The following MAML3 variants were observed in gnomAD, a reference collection of about 807,000 sequenced individuals.
The protein encoded by MAML3 is mastermind-like protein 3.
MAML3 carries 27 observed loss-of-function variants against 101.9 expected under a neutral mutation model. The observed-to-expected ratio is 0.27, with a 90% confidence interval of 0.20 to 0.37. The LOEUF (loss-of-function observed/expected upper bound fraction) is 0.37, where lower values mean the gene tolerates loss of function less well. MAML3 is among the 10% of genes least tolerant of loss of function. The pLI is 1.00. For synonymous variants in MAML3, 501 were observed against 555.9 expected (o/e 0.90, Z 1.39); for missense variants, 1,316 against 1,444.9 (o/e 0.91, Z 1.45).
At chr4:139,937,099 CCTGT>C (rs1314887763) in intron 1 of MAML3, among the ~76,000 whole-genome samples, 1 of 152,148 alleles carries the variant, frequency 6.6e-6, no homozygotes, top group African/African-American at 2.4e-5. Flanking sequence ...TATTTGCTAA[CCTGT>C]CTTTCTTGCT....
At chr4:139,887,820 T>C (rs1477651034) in intron 2 of MAML3, among the ~76,000 whole-genome samples, 1 of 152,238 alleles carries the variant, frequency 6.6e-6, no homozygotes, top group Non-Finnish European at 1.5e-5. Context: ...CCTGGGCTAC[T>C]ACAAACATTC....
At chr4:139,902,214 C>CCT (rs1732735655) in intron 1 of MAML3, among the ~76,000 whole-genome samples, 2 of 151,972 alleles carry the variant, frequency 1.3e-5, no homozygotes, top group African/African-American at 4.8e-5. Flanking sequence ...CTCTCCTTCT[C>CCT]TCCTTCCCCT....
intron 1 of MAML3, among the ~76,000 whole-genome samples, chr4:139,948,147 TA>T (rs1733766019): frequency 8.0e-6 from 1 of 124,482 alleles, no homozygotes; most frequent in African/African-American, 3.5e-5. Context: ...TAATAAAAAC[TA>T]CCACTCTACA....
intron 1 of MAML3, among the ~76,000 whole-genome samples, chr4:139,946,172 A>G (rs769666): frequency 0.037 from 5,648 of 152,322 alleles, 337 homozygotes; most frequent in African/African-American, 0.13. Flanking sequence ...AAGATATGTA[A>G]CATTGGAAAA....
chr4:139,890,732 T>C lies in MAML3; in HGVS notation c.704A>G (p.His235Arg), dbSNP rs1560827001. The change falls in exon 2 of 5, where the codon CAC becomes CGC. Residue 235 changes from histidine (H) to arginine (R), a missense_variant. Coordinates refer to ENST00000509479, the MANE Select transcript of MAML3 (RefSeq NM_018717.5). This position sits in a 1 kb window ranked among gnomAD's most constrained non-coding sequence, Gnocchi z 4.1. ...PSLPLQNSGT[H>R]TPGLLEDLSK... ...TAGATCTTCTAGAAGCCCAGGAGTG[T>C]GAGTTCCACTGTTCTGCAAGGGCAA... The C allele has an allele frequency of 6.2e-7, 1 of 1,614,036 alleles. No homozygotes were observed.
chr4:139,792,528 C>T (rs1048397072), intron 2 of MAML3, among the ~76,000 whole-genome samples: 2 of 152,116 alleles, frequency 1.3e-5, no homozygotes, highest in South Asian at 4.1e-4. Context: ...CTGTTCTGGT[C>T]TGTATTTTCA....
intron 2 of MAML3, among the ~76,000 whole-genome samples, chr4:139,877,966 G>A (rs942297109): frequency 6.6e-6 from 1 of 151,978 alleles, no homozygotes; most frequent in Non-Finnish European, 1.5e-5. Flanking sequence ...ACCAAGTTCT[G>A]TTACTTCTTC....
intron 1 of MAML3, among the ~76,000 whole-genome samples, chr4:140,076,285 T>C (rs1727764835): frequency 6.6e-6 from 1 of 152,202 alleles, no homozygotes; most frequent in Non-Finnish European, 1.5e-5. Context: ...GGACTAAGGA[T>C]GCTCCCTTAG....
intron 2 of MAML3, among the ~76,000 whole-genome samples, chr4:139,810,187 T>TTTTA (rs1730772732): frequency 2.3e-5 from 3 of 132,960 alleles, no homozygotes; most frequent in African/African-American, 9.6e-5. Context: ...CAAAATTGAT[T>TTTTA]TTTTTTTTTT....
At chr4:139,754,258 T>TAAATATTCTTTAA (rs1729597551) in intron 2 of MAML3, among the ~76,000 whole-genome samples, 1 of 152,260 alleles carries the variant, frequency 6.6e-6, no homozygotes, top group Non-Finnish European at 1.5e-5. Context: ...ATCACATGTT[T>TAAATATTCTTTAA]ATGTTCTTAT....
chr4:139,911,575 G>T (rs1732919995), intron 1 of MAML3, among the ~76,000 whole-genome samples: 1 of 152,164 alleles, frequency 6.6e-6, no homozygotes, highest in Admixed American at 6.5e-5. Context: ...TGGTCTAAAT[G>T]GTTGTCTCCT....
chr4:140,007,170 T>C (rs1168127962), intron 1 of MAML3, among the ~76,000 whole-genome samples: 1 of 152,142 alleles, frequency 6.6e-6, no homozygotes, highest in Non-Finnish European at 1.5e-5. Flanking sequence ...TTCATAAATT[T>C]CCACTGAAGA....
chr4:139,729,174 AAAAAAG>A (rs1211816737), intron 3 of MAML3, among the ~76,000 whole-genome samples: 1 of 151,538 alleles, frequency 6.6e-6, no homozygotes, highest in African/African-American at 2.4e-5. Flanking sequence ...AAAAAAAAAA[AAAAAAG>A]GGAACATAAG....
At chr4:140,043,455 T>C (rs1727121009) in intron 1 of MAML3, among the ~76,000 whole-genome samples, 1 of 152,212 alleles carries the variant, frequency 6.6e-6, no homozygotes, top group Non-Finnish European at 1.5e-5. Context: ...AGCAGTCATC[T>C]GGGGGATTCA....
rs115013532 is a variant in MAML3 at position 140,000,599 on chromosome 4, C to G, written c.469-109632G>C. Among the ~76,000 whole-genome samples, 1,002 of 152,286 alleles carry G rather than the reference C, an allele frequency of 6.6e-3. 13 individuals are homozygous for G. The highest frequency in any genetic ancestry group is 0.023 in the African/African-American group (955 of 41,546). On this transcript the variant is annotated intron_variant, in intron 1 of 4. Coordinates refer to ENST00000509479, the MANE Select transcript of MAML3 (RefSeq NM_018717.5). The stretch of plus-strand genomic sequence containing the variant: ...CAAACTATAGGGCCAGTTACCCAAA[C>G]CTTTATCCCAGCCCACTTCTTGAGA...
At chr4:139,845,963 T>G (rs112997552) in intron 2 of MAML3, among the ~76,000 whole-genome samples, 10 of 152,322 alleles carry the variant, frequency 6.6e-5, no homozygotes, top group African/African-American at 2.4e-4. Context: ...AATATATTTT[T>G]AGGAGTGGGA....
At chr4:139,749,879 A>G (rs1021874856) in intron 2 of MAML3, among the ~76,000 whole-genome samples, 1 of 106,046 alleles carries the variant, frequency 9.4e-6, no homozygotes, top group African/African-American at 4.4e-5. Flanking sequence ...GTGGAGATGA[A>G]TAAGAACCCC....
At chr4:139,951,734 CT>C (rs71584344) in intron 1 of MAML3, among the ~76,000 whole-genome samples, 489 of 142,560 alleles carry the variant, frequency 3.4e-3, no homozygotes, top group Middle Eastern at 3.6e-3. Context: ...TGTTTTTGTT[CT>C]TTTTTTTTTT....
intron 2 of MAML3, among the ~76,000 whole-genome samples, chr4:139,860,497 C>G (rs1310845658): frequency 6.6e-6 from 1 of 152,208 alleles, no homozygotes; most frequent in African/African-American, 2.4e-5. Flanking sequence ...CCCAGTCAAG[C>G]CAACCTTTGT....
Sources: gnomAD v4.1 joint callset for allele counts (sites outside exome capture counted in the v4.1 genomes callset) on GRCh38, gnomAD v4.1.1 for gene constraint, Gnocchi (gnomAD v3.1) non-coding constraint, MANE v1.5 for transcripts, NCBI Gene and HGNC (gene_info 2026-07-23, HGNC 2026-07-21) for gene names.